Variants in TPRG1 observed in about 807,000 individuals in gnomAD.
TPRG1 encodes tumor protein p63 regulated 1.
TPRG1 carries 29 observed loss-of-function variants against 29.3 expected under a neutral mutation model. That is an observed-to-expected ratio of 0.99 (90% CI 0.74 to 1.35). The LOEUF (loss-of-function observed/expected upper bound fraction) is 1.35. Among genes scored for constraint, TPRG1 ranks in the 40% most tolerant of loss-of-function variants. The pLI is 0.00. For missense variants in TPRG1, 327 were observed against 335.0 expected (o/e 0.98, Z 0.19); for synonymous variants, 130 against 116.8 (o/e 1.11, Z -0.73).
intron 4 of TPRG1, among the ~76,000 whole-genome samples, chr3:189,053,017 C>T (rs1715427741): frequency 6.6e-6 from 1 of 152,030 alleles, no homozygotes; most frequent in South Asian, 2.1e-4. Context: ...ACCAGAATCT[C>T]ACAAATCACC....
intron 1 of TPRG1, among the ~76,000 whole-genome samples, chr3:189,175,168 G>A (rs182709930): frequency 2.0e-5 from 3 of 152,216 alleles, no homozygotes; most frequent in East Asian, 1.9e-4. Flanking sequence ...ATTTCAAGAC[G>A]AAGAAGAAAG....
chr3:189,062,423 T>C (rs1381963988), intron 4 of TPRG1, among the ~76,000 whole-genome samples: 1 of 152,004 alleles, frequency 6.6e-6, no homozygotes, highest in East Asian at 1.9e-4. Flanking sequence ...TGAATATGTA[T>C]CCCTGAACCT....
rs867417865 is a variant in TPRG1 at position 189,309,078 on chromosome 3, T to C, written c.480-1308T>C. On this transcript the variant is annotated intron_variant, in intron 4 of 5. Transcript: ENST00000345063. ...TTTTTCCTATATACTTTTTTTTTTT[T>C]TTTTCATTTTTCTTCTTGGGCAAAG... 2.3e-3 allele frequency among the ~76,000 whole-genome samples: 349 copies of C among 148,560 alleles called. 2 individuals are homozygous for C. Among genetic ancestry groups the C allele is most frequent in the African/African-American group, 8.4e-3 (339 of 40,248 alleles).
intron 4 of TPRG1, among the ~76,000 whole-genome samples, chr3:189,306,749 A>C (rs1367678682): frequency 6.6e-6 from 1 of 152,136 alleles, no homozygotes; most frequent in Non-Finnish European, 1.5e-5. Flanking sequence ...CATAGTAGAC[A>C]CTCAATATAT....
At chr3:189,251,763 GT>G (rs1258461397) in intron 4 of TPRG1, among the ~76,000 whole-genome samples, 2 of 152,198 alleles carry the variant, frequency 1.3e-5, no homozygotes, top group Non-Finnish European at 2.9e-5. Context: ...CCCTAAGGCG[GT>G]TTTTCCCTAT....
rs186473548 is a variant in TPRG1 at position 189,044,089 on chromosome 3, A to G, written c.-463+20143A>G. 7.9e-5 allele frequency among the ~76,000 whole-genome samples: 12 copies of G among 152,316 alleles called. No homozygotes were observed. In the East Asian group the frequency reaches 1.9e-3, roughly 25 times the overall value. The stretch of plus-strand genomic sequence containing the variant: ...GCAAATGCTTGATAAATAAATGAAT[A>G]TATAAAAATTACTCTCTCAAATTAG... On this transcript the variant is annotated intron_variant, in intron 4 of 10. Coordinates refer to the TPRG1 transcript ENST00000433971.
intron 3 of TPRG1, among the ~76,000 whole-genome samples, chr3:189,234,496 G>A (rs927801398): frequency 6.6e-6 from 1 of 152,152 alleles, no homozygotes. Flanking sequence ...TCTGTATCCT[G>A]CTCTTTCTCA....
chr3:189,102,298 AG>A (rs1719301577), intron 1 of TPRG1, among the ~76,000 whole-genome samples: 1 of 152,200 alleles, frequency 6.6e-6, no homozygotes, highest in Non-Finnish European at 1.5e-5. Context: ...GTATATAAAA[AG>A]CTGACTTTTT....
At chr3:189,255,146 A>C (rs921356653) in intron 4 of TPRG1, among the ~76,000 whole-genome samples, 3 of 152,124 alleles carry the variant, frequency 2.0e-5, no homozygotes, top group African/African-American at 7.2e-5. Flanking sequence ...TCAGTGTGAT[A>C]TTGGCTGTGG....
At chr3:189,145,592 G>A (rs1725161703) in intron 3 of TPRG1, among the ~76,000 whole-genome samples, 1 of 152,112 alleles carries the variant, frequency 6.6e-6, no homozygotes, top group African/African-American at 2.4e-5. Context: ...TTGTGATTCA[G>A]ATCAGATGAG....
chr3:189,078,838 A>G (rs1317274142), intron 4 of TPRG1, among the ~76,000 whole-genome samples: 2 of 152,322 alleles, frequency 1.3e-5, no homozygotes, highest in Non-Finnish European at 2.9e-5. Flanking sequence ...ATAATGTAAC[A>G]ATAATGTCTA....
intron 1 of TPRG1, among the ~76,000 whole-genome samples, chr3:189,194,474 G>C (rs988599252): frequency 1.3e-5 from 2 of 152,138 alleles, no homozygotes; most frequent in Non-Finnish European, 2.9e-5. Context: ...TAGGTCTTTG[G>C]CTGCAAGTTT....
At position 189,238,790 on chromosome 3, in the gene TPRG1, C is replaced by G. The variant is rs757735288; in HGVS notation, c.360C>G (p.Leu120=). 4.7e-5 allele frequency: 76 copies of G among 1,613,694 alleles called. No individual in the cohort carries two copies. Among genetic ancestry groups the G allele is most frequent in the Middle Eastern group, 1.6e-4 (1 of 6,072 alleles). ...TTCTACTGGTCACAGACAAGACTCT[C>G]TTGATCTGCAAATACGACTTCATCA... is the stretch of plus-strand genomic sequence containing the variant. The part of the protein sequence containing the change: ...ERILLVTDKT[L]LICKYDFIML... The change falls in exon 4 of 6, where the codon CTC becomes CTG. Residue 120 remains leucine (L), a synonymous_variant. Transcript: ENST00000345063.
chr3:189,101,080 C>T (rs1719143258), intron 1 of TPRG1, among the ~76,000 whole-genome samples: 1 of 152,306 alleles, frequency 6.6e-6, no homozygotes, highest in Non-Finnish European at 1.5e-5. Flanking sequence ...CATTACAGCT[C>T]CTCTCTCACA....
chr3:189,055,627 C>G (rs906695360), intron 4 of TPRG1, among the ~76,000 whole-genome samples: 1 of 152,210 alleles, frequency 6.6e-6, no homozygotes, highest in African/African-American at 2.4e-5. Context: ...ATATCAGACA[C>G]TTCTTATTCT....
At chr3:189,055,253 A>G (rs940383668) in intron 4 of TPRG1, among the ~76,000 whole-genome samples, 4 of 152,202 alleles carry the variant, frequency 2.6e-5, no homozygotes, top group Non-Finnish European at 5.9e-5. Context: ...TCTTCTTTCC[A>G]AAGACCTTCT....
chr3:189,174,588 G>T (rs181710656), intron 1 of TPRG1, among the ~76,000 whole-genome samples: 4 of 152,294 alleles, frequency 2.6e-5, no homozygotes, highest in Admixed American at 2.6e-4. Flanking sequence ...CCAGGCTACA[G>T]GTTAATGGCA....
chr3:189,028,534 C>T (rs1403933418), intron 4 of TPRG1, among the ~76,000 whole-genome samples: 1 of 152,196 alleles, frequency 6.6e-6, no homozygotes, highest in Non-Finnish European at 1.5e-5. Context: ...CCCATTATAG[C>T]TAACAGATAA....
chr3:189,274,629 T>C (rs1470553391), intron 4 of TPRG1, among the ~76,000 whole-genome samples: 1 of 152,170 alleles, frequency 6.6e-6, no homozygotes. Flanking sequence ...GAATTTCTAA[T>C]GTACTTTCAG....
Sources: allele counts gnomAD v4.1 joint callset (sites outside exome capture counted in the v4.1 genomes callset), GRCh38; gene constraint gnomAD v4.1.1; transcripts MANE v1.5; gene names NCBI Gene and HGNC (gene_info 2026-07-23, HGNC 2026-07-21).